Variants in COL8A1 observed in about 807,000 individuals in gnomAD.
COL8A1 encodes the protein collagen type VIII alpha 1 chain.
COL8A1 carries 21 observed loss-of-function variants against 42.7 expected under a neutral mutation model. The observed-to-expected ratio is 0.49, with a 90% CI of 0.35 to 0.71. The LOEUF (loss-of-function observed/expected upper bound fraction) is 0.71, where lower values mean the gene tolerates loss of function less well. Among genes scored for constraint, COL8A1 ranks in the 30% least tolerant of loss-of-function variants. The pLI is 0.01. For synonymous variants in COL8A1, 367 were observed against 369.1 expected (o/e 0.99, Z 0.06); for missense variants, 788 against 962.4 (o/e 0.82, Z 2.40).
At chr3:99,788,770 T>C (rs1188250539) in intron 2 of COL8A1, among the ~76,000 whole-genome samples, 3 of 152,228 alleles carry the variant, frequency 2.0e-5, no homozygotes, top group Non-Finnish European at 2.9e-5. Context: ...TATAGTATAC[T>C]GCAATTTATG....
intron 1 of COL8A1, among the ~76,000 whole-genome samples, chr3:99,709,572 A>G (rs780888480): frequency 7.9e-5 from 12 of 152,172 alleles, no homozygotes; most frequent in Admixed American, 3.3e-4. Flanking sequence ...TGTTTCAGGA[A>G]CTAATCTCAC....
chr3:99,757,289 T>G (rs2107420702), intron 2 of COL8A1, among the ~76,000 whole-genome samples: 1 of 152,314 alleles, frequency 6.6e-6, no homozygotes, highest in South Asian at 2.1e-4. Context: ...GAAACTTTTC[T>G]TCCTCGGGGT....
chr3:99,715,108 G>T (rs977398941), intron 1 of COL8A1, among the ~76,000 whole-genome samples: 2 of 152,028 alleles, frequency 1.3e-5, no homozygotes, highest in African/African-American at 4.8e-5. Flanking sequence ...AGGGAACTTT[G>T]TGTGTCATTC....
rs543066436 is a variant in COL8A1, at chr3:99,797,280, C to CT, written c.*1154dup. 7.9e-3 allele frequency: 1,173 copies of CT among 148,550 alleles called. 4 individuals are homozygous for CT. The highest frequency in any genetic ancestry group is 0.015 in the South Asian group (71 of 4,656). 9.2% of individuals were successfully genotyped at this position (148,550 alleles called of 1,614,324 possible). Reference sequence around the variant, plus strand: ...CTGAGGTTCCAAAGTCAATTTTTTTCTTTTTTTTTTGAGATGGAGTCTTAC... The same window carrying CT: ...CTGAGGTTCCAAAGTCAATTTTTTTCTTTTTTTTTTTGAGATGGAGTCTTAC... On this transcript the variant is annotated 3_prime_UTR_variant, in exon 4 of 4. Coordinates refer to ENST00000652472, the MANE Select transcript of COL8A1 (RefSeq NM_020351.4).
rs149824804 is a variant in COL8A1, at chr3:99,793,166, G to A, written c.329-1064G>A. On this transcript the variant is annotated intron_variant, in intron 3 of 3. Coordinates refer to ENST00000652472, the MANE Select transcript of COL8A1 (RefSeq NM_020351.4). The stretch of plus-strand genomic sequence containing the variant: ...GAGAGATGATGATGAAAGGTTTAAA[G>A]CCTCAGTTAGGCAGGAGAAATAAGT... Among the ~76,000 whole-genome samples the A allele has an allele frequency of 7.3e-3, 1,111 of 152,230 alleles. 3 individuals carry two copies. The highest frequency in any genetic ancestry group is 0.01 in the African/African-American group (436 of 41,528).
intron 1 of COL8A1, among the ~76,000 whole-genome samples, chr3:99,675,215 T>A (rs1197194133): frequency 1.1e-4 from 16 of 152,084 alleles, no homozygotes; most frequent in African/African-American, 2.7e-4. Context: ...CACAGAAAGC[T>A]AGAGCCATAG....
At position 99,689,274 on chromosome 3, in the gene COL8A1, G is replaced by C. The variant is rs182975693; in HGVS notation, c.-129+50610G>C. On this transcript the variant is annotated intron_variant, in intron 1 of 3. Transcript: ENST00000652472. The stretch of plus-strand genomic sequence containing the variant: ...TGTTCGAGTGTAGGGTTACATATGA[G>C]GCATTTAATTACTTGGATATCAGAC... Among the ~76,000 whole-genome samples the C allele has an allele frequency of 5.7e-4, 87 of 152,258 alleles. 1 individual carries two copies. The highest frequency in any genetic ancestry group is 1.0e-4 in the Non-Finnish European group (7 of 68,012).
intron 2 of COL8A1, among the ~76,000 whole-genome samples, chr3:99,787,876 C>CACA (rs781535067): frequency 0.081 from 3,751 of 46,548 alleles, 57 homozygotes; most frequent in Non-Finnish European, 0.11. Flanking sequence ...ACACACACAC[C>CACA]CACACCCACA....
intron 1 of COL8A1, among the ~76,000 whole-genome samples, chr3:99,733,122 T>C (rs1047825689): frequency 1.3e-5 from 2 of 150,682 alleles, no homozygotes; most frequent in Non-Finnish European, 3.0e-5. Flanking sequence ...TTTTTTCTTT[T>C]TTTTTTTTTT....
rs750579699 is a variant in COL8A1, at chr3:99,794,198, C to A, written c.329-32C>A. The stretch of plus-strand genomic sequence containing the variant: ...ACTAATCAATCTCTCTCTCTCCCCC[C>A]ATACCCCTTCTCTCTCTTCTCTTCC... On this transcript the variant is annotated intron_variant, in intron 3 of 3. Transcript: ENST00000652472. The surrounding 1 kb of genome is among the most constrained non-coding windows in gnomAD (Gnocchi z 4.3). 2 of 1,403,348 alleles carry A rather than the reference C, an allele frequency of 1.4e-6. No individual in the cohort carries two copies. The highest frequency in any genetic ancestry group is 2.8e-5 in the South Asian group (2 of 71,766). 86.9% of individuals were successfully genotyped at this position (1,403,348 alleles called of 1,614,324 possible).
rs533721649 is a variant in COL8A1 at position 99,717,088 on chromosome 3, G to A, written c.-128-27809G>A. ...CATAAGTTTGTATATGGGCAGTCCTGGAACCGAATCTCAGTCTTGCCACTG... is the reference window on the plus strand; with the variant it reads ...CATAAGTTTGTATATGGGCAGTCCTAGAACCGAATCTCAGTCTTGCCACTG... On this transcript the variant is annotated intron_variant, in intron 1 of 3. Transcript: ENST00000652472. Among the ~76,000 whole-genome samples, 7 of 151,944 alleles carry A rather than the reference G, an allele frequency of 4.6e-5. No individual in the cohort carries two copies. The South Asian group carries it at 1.2e-3, about 27-fold the overall frequency.
At chr3:99,657,293 T>C (rs577214294) in intron 1 of COL8A1, among the ~76,000 whole-genome samples, 3 of 152,344 alleles carry the variant, frequency 2.0e-5, no homozygotes, top group South Asian at 4.1e-4. Context: ...GTGACTCTAG[T>C]GTACTAAGGG....
At chr3:99,699,152 A>C (rs745530637) in intron 1 of COL8A1, among the ~76,000 whole-genome samples, 12 of 152,154 alleles carry the variant, frequency 7.9e-5, no homozygotes, top group Non-Finnish European at 1.2e-4. Context: ...TCTCCATCAC[A>C]TGTATCCAAA....
intron 2 of COL8A1, among the ~76,000 whole-genome samples, chr3:99,774,375 G>T (rs13079051): frequency 0.079 from 12,041 of 151,710 alleles, 570 homozygotes; most frequent in Middle Eastern, 0.11. Context: ...CCTGTATAAG[G>T]CCAGGTACTC....
chr3:99,714,439 A>C (rs1407041120), intron 1 of COL8A1, among the ~76,000 whole-genome samples: 1 of 152,096 alleles, frequency 6.6e-6, no homozygotes, highest in Non-Finnish European at 1.5e-5. Flanking sequence ...TGACTCATGG[A>C]GCTCTTGATT....
chr3:99,796,829 G>A lies in COL8A1; in HGVS notation c.*693G>A, dbSNP rs1007308126. 5 of 152,308 alleles carry A rather than the reference G, an allele frequency of 3.3e-5. No individual in the cohort carries two copies. The highest frequency in any genetic ancestry group is 9.6e-5 in the African/African-American group (4 of 41,558). The allele number at this position is 152,308 out of a possible 1,614,324, so 9.4% of individuals were successfully genotyped here. A position where few individuals can be genotyped will look rare whatever the true frequency, so the allele number is the denominator to read the frequency against. On this transcript the variant is annotated 3_prime_UTR_variant, in exon 4 of 4. Coordinates refer to ENST00000652472, the MANE Select transcript of COL8A1 (RefSeq NM_020351.4). ...TTATTCAGTGCCTTCTCTGTACCAA[G>A]CACTGGGTAAGGCACTTTTGTGGAG...
chr3:99,701,018 G>C (rs935415096), intron 1 of COL8A1, among the ~76,000 whole-genome samples: 7 of 152,108 alleles, frequency 4.6e-5, no homozygotes, highest in African/African-American at 1.4e-4. Flanking sequence ...AGAAGGTGTT[G>C]TTTACAACAT....
At chr3:99,713,452 A>G (rs1939903598) in intron 1 of COL8A1, among the ~76,000 whole-genome samples, 1 of 152,132 alleles carries the variant, frequency 6.6e-6, no homozygotes. Flanking sequence ...AAGAGAAACC[A>G]GTAAAGCTCA....
At chr3:99,793,727 C>T (rs890907682) in intron 3 of COL8A1, among the ~76,000 whole-genome samples, 1 of 152,042 alleles carries the variant, frequency 6.6e-6, no homozygotes, top group Admixed American at 6.6e-5. Flanking sequence ...AAAAAATTGT[C>T]AGCTTGATTT....
Sources: allele counts gnomAD v4.1 joint callset (sites outside exome capture counted in the v4.1 genomes callset), GRCh38; gene constraint gnomAD v4.1.1; non-coding constraint Gnocchi (gnomAD v3.1); transcripts MANE v1.5; gene names NCBI Gene and HGNC (gene_info 2026-07-23, HGNC 2026-07-21).